DTNA: variants seen among roughly 807,000 people sequenced by gnomAD.
The protein encoded by DTNA is dystrobrevin alpha, also known as dystrophin-related protein 3.
In DTNA, 43 loss-of-function variants were observed where a neutral mutation model predicts 100.7. The ratio of observed to expected loss-of-function variants is 0.43; its 90% CI spans 0.33 to 0.55. The LOEUF (loss-of-function observed/expected upper bound fraction) is 0.55. DTNA is among the 20% of genes least tolerant of loss of function. DTNA has a pLI of 0.04. For synonymous variants in DTNA, 349 were observed against 347.9 expected (o/e 1.00, Z -0.04); for missense variants, 798 against 953.9 (o/e 0.84, Z 2.15).
At chr18:34,752,874 C>T (rs2092439215) in intron 1 of DTNA, among the ~76,000 whole-genome samples, 1 of 152,200 alleles carries the variant, frequency 6.6e-6, no homozygotes, top group South Asian at 2.1e-4. Flanking sequence ...CTTCATAAGA[C>T]TTGATTTTGC....
chr18:34,533,913 G>A (rs978663407), intron 1 of DTNA, among the ~76,000 whole-genome samples: 5 of 152,088 alleles, frequency 3.3e-5, no homozygotes, highest in African/African-American at 1.2e-4. Flanking sequence ...TTTTTGTTTG[G>A]ATCCTGTAGG....
intron 1 of DTNA, among the ~76,000 whole-genome samples, chr18:34,661,843 C>A (rs530649388): frequency 1.4e-4 from 22 of 151,946 alleles, no homozygotes; most frequent in African/African-American, 5.3e-4. Context: ...GCTTTCAAAC[C>A]CTGCCAACAT....
intron 7 of DTNA, among the ~76,000 whole-genome samples, chr18:34,816,796 A>G (rs1157607439): frequency 2.0e-5 from 3 of 152,214 alleles, no homozygotes; most frequent in Non-Finnish European, 2.9e-5. Flanking sequence ...TTTAATATAC[A>G]TTGCAGCTAA....
intron 6 of DTNA, among the ~76,000 whole-genome samples, chr18:34,812,398 C>G (rs1025174317): frequency 7.9e-5 from 12 of 152,158 alleles, no homozygotes; most frequent in African/African-American, 2.9e-4. Context: ...GTGTTAGTCT[C>G]TTTTCACACT....
At chr18:34,565,773 G>A (rs2047028962) in intron 1 of DTNA, among the ~76,000 whole-genome samples, 1 of 152,170 alleles carries the variant, frequency 6.6e-6, no homozygotes, top group Non-Finnish European at 1.5e-5. Context: ...ACTTAATTAT[G>A]TCTATAAAGA....
At chr18:34,520,291 A>AT (rs1316105654) in intron 1 of DTNA, among the ~76,000 whole-genome samples, 1 of 152,158 alleles carries the variant, frequency 6.6e-6, no homozygotes, top group Admixed American at 6.5e-5. Context: ...TAAATAATAG[A>AT]TTCTGGGATG....
chr18:34,886,500 T>C (rs1316113647), intron 22 of DTNA, among the ~76,000 whole-genome samples: 1 of 152,216 alleles, frequency 6.6e-6, no homozygotes, highest in East Asian at 1.9e-4. Context: ...ATTTGATCAT[T>C]GTTGTTCTGC....
At chr18:34,567,550 A>G (rs2047191337) in intron 1 of DTNA, among the ~76,000 whole-genome samples, 1 of 152,176 alleles carries the variant, frequency 6.6e-6, no homozygotes, top group Admixed American at 6.5e-5. Flanking sequence ...TTTAAGTTGA[A>G]GCATATACAA....
chr18:34,551,864 C>G (rs2045460376), intron 1 of DTNA, among the ~76,000 whole-genome samples: 1 of 152,144 alleles, frequency 6.6e-6, no homozygotes, highest in Admixed American at 6.5e-5. Context: ...GCATAAGACC[C>G]AAATAATGTG....
chr18:34,586,397 G>T (rs1355419159), intron 1 of DTNA, among the ~76,000 whole-genome samples: 2 of 149,870 alleles, frequency 1.3e-5, no homozygotes, highest in Non-Finnish European at 3.0e-5. Context: ...TGTCTTGTCG[G>T]GTTTTTTTTG....
intron 1 of DTNA, among the ~76,000 whole-genome samples, chr18:34,718,282 G>A (rs1002359092): frequency 3.3e-5 from 5 of 152,152 alleles, no homozygotes; most frequent in African/African-American, 1.2e-4. Flanking sequence ...TGTAACTGAG[G>A]TGGAAACTTA....
intron 1 of DTNA, among the ~76,000 whole-genome samples, chr18:34,648,620 G>A (rs1444122540): frequency 6.6e-6 from 1 of 152,206 alleles, no homozygotes; most frequent in Non-Finnish European, 1.5e-5. Flanking sequence ...ACTAAAAGTA[G>A]ACCTTTCAAG....
chr18:34,760,747 C>T lies in DTNA; in HGVS notation c.67+4704C>T, dbSNP rs373952795. On this transcript the variant is annotated intron_variant, in intron 2 of 22. Coordinates refer to ENST00000444659, the MANE Select transcript of DTNA (RefSeq NM_001386795.1). ...TTCCCAAGTTTGTGCCTCATTTTGTCGCTAGAAATATAGAATAGCCCTACT... is the reference window on the plus strand; with the variant it reads ...TTCCCAAGTTTGTGCCTCATTTTGTTGCTAGAAATATAGAATAGCCCTACT... Among the ~76,000 whole-genome samples, 51 of 152,284 alleles carry T rather than the reference C, an allele frequency of 3.3e-4. No individual in the cohort carries two copies. In the South Asian group the frequency reaches 8.7e-3, roughly 26 times the overall value.
chr18:34,706,572 TC>T (rs772948362), upstream of DTNA, among the ~76,000 whole-genome samples: 14 of 152,168 alleles, frequency 9.2e-5, no homozygotes, highest in Non-Finnish European at 1.9e-4. Flanking sequence ...GATTCAGAGT[TC>T]ACAATAGGTT....
intron 1 of DTNA, among the ~76,000 whole-genome samples, chr18:34,714,496 C>A (rs1294188451): frequency 1.3e-5 from 2 of 150,068 alleles, no homozygotes; most frequent in Non-Finnish European, 3.0e-5. Context: ...CTCACCATCA[C>A]TGGCCATCAG....
intron 1 of DTNA, among the ~76,000 whole-genome samples, chr18:34,656,250 A>T (rs187366487): frequency 6.6e-6 from 1 of 152,322 alleles, no homozygotes; most frequent in Non-Finnish European, 1.5e-5. Context: ...GTGTTGCTAA[A>T]CCATAAGCAC....
At chr18:34,705,183 G>A (rs1231689051) in intron 1 of DTNA, among the ~76,000 whole-genome samples, 6 of 152,044 alleles carry the variant, frequency 3.9e-5, no homozygotes, top group Non-Finnish European at 5.9e-5. Context: ...TTTCCATTTT[G>A]TTTCCCACAG....
In DTNA at chr18:34,727,748, A is replaced by T. The variant is rs534502557; in HGVS notation, c.-2+17303A>T. 1.8e-4 allele frequency among the ~76,000 whole-genome samples: 28 copies of T among 152,256 alleles called. No individual in the cohort carries two copies. In the South Asian group the frequency reaches 5.6e-3, roughly 30 times the overall value. On this transcript the variant is annotated intron_variant, in intron 1 of 22. Transcript: ENST00000444659. ...CCTGGCTAATTTTTGTATTGTTAGT[A>T]GAGACAGGGTTTCACCATGTTGGTC...
intron 1 of DTNA, among the ~76,000 whole-genome samples, chr18:34,643,721 T>A (rs2059540477): frequency 6.6e-6 from 1 of 152,208 alleles, no homozygotes; most frequent in Non-Finnish European, 1.5e-5. Flanking sequence ...ACTGCCTTTT[T>A]TAAAAGCTGA....
Sources: gnomAD v4.1 joint callset for allele counts (sites outside exome capture counted in the v4.1 genomes callset) on GRCh38, gnomAD v4.1.1 for gene constraint, MANE v1.5 for transcripts, NCBI Gene and HGNC (gene_info 2026-07-23, HGNC 2026-07-21) for gene names.